Variants in POU1F1 observed in about 807,000 individuals in gnomAD.
The protein encoded by POU1F1 is pituitary-specific positive transcription factor 1.
Under a neutral mutation model 32.3 loss-of-function variants are expected in POU1F1, and 23 were observed. The observed-to-expected ratio is 0.71, with a 90% CI of 0.51 to 1.01. The LOEUF is 1.01. Ranked by LOEUF, POU1F1 falls within the 50% of genes least tolerant of loss-of-function variation. POU1F1 has a pLI of 0.00. For missense variants in POU1F1, 323 were observed against 341.6 expected (o/e 0.95, Z 0.43); for synonymous variants, 120 against 115.6 (o/e 1.04, Z -0.25).
At chr3:87,265,623 A>G (rs796440220) in intron 2 of POU1F1, among the ~76,000 whole-genome samples, 21 of 152,166 alleles carry the variant, frequency 1.4e-4, no homozygotes, top group African/African-American at 5.1e-4. Flanking sequence ...TGATGCAACC[A>G]TGAATTAAAT....
At chr3:87,269,069 T>C (rs911649384) in intron 2 of POU1F1, among the ~76,000 whole-genome samples, 3 of 152,192 alleles carry the variant, frequency 2.0e-5, no homozygotes, top group Admixed American at 2.0e-4. Flanking sequence ...GCCACCCTGC[T>C]GTGCTTGTAA....
chr3:87,261,560 A>G (rs1706515341), intron 4 of POU1F1, among the ~76,000 whole-genome samples: 1 of 152,100 alleles, frequency 6.6e-6, no homozygotes. Flanking sequence ...TAATATCCTC[A>G]CTTTACTTTT....
chr3:87,272,980 A>G (rs1402407360), intron 2 of POU1F1, among the ~76,000 whole-genome samples: 1 of 152,148 alleles, frequency 6.6e-6, no homozygotes, highest in African/African-American at 2.4e-5. Flanking sequence ...TATTTTACCT[A>G]GTTTACATTT....
rs1706579954 is a variant in POU1F1 at position 87,264,513 on chromosome 3, C to G, written c.215-1G>C. 2.6e-6 allele frequency: 4 copies of G among 1,565,380 alleles called. No homozygotes were observed. Among genetic ancestry groups the G allele is most frequent in the Non-Finnish European group, 3.5e-6 (4 of 1,135,926 alleles). ...TTATAAAGACAAGGGGTTAAACTAC[C>G]TGTGAGTAAACAAAGAAATAAAATG... On this transcript the variant is annotated splice_acceptor_variant, in intron 2 of 5. Transcript: ENST00000350375. LOFTEE classifies it high-confidence loss of function.
intron 2 of POU1F1, among the ~76,000 whole-genome samples, chr3:87,268,084 CTT>C (rs11387958): frequency 1.9e-4 from 22 of 116,428 alleles, no homozygotes; most frequent in Non-Finnish European, 3.3e-4. Context: ...TTCCCTTTCC[CTT>C]TTTTTTTTTT....
intron 2 of POU1F1, among the ~76,000 whole-genome samples, chr3:87,268,280 T>A (rs1706662564): frequency 6.6e-6 from 1 of 151,790 alleles, no homozygotes; most frequent in Non-Finnish European, 1.5e-5. Context: ...TTATTTATAA[T>A]TTTTTATTTA....
At chr3:87,260,841 A>G (rs549785996) in intron 5 of POU1F1, among the ~76,000 whole-genome samples, 1 of 151,392 alleles carries the variant, frequency 6.6e-6, no homozygotes, top group East Asian at 1.9e-4. Context: ...CCATTTCTCA[A>G]AATTAAGTTA....
rs1043925260 is a variant in POU1F1, at chr3:87,259,551, A to G, written c.*343T>C. The stretch of plus-strand genomic sequence containing the variant: ...GTGTCATTACTGACTTACATGTTAA[A>G]AAGCTAATATACATGTTTGGAAAAG... On this transcript the variant is annotated 3_prime_UTR_variant, in exon 6 of 6. Coordinates refer to ENST00000350375, the MANE Select transcript of POU1F1 (RefSeq NM_000306.4). 4.2e-6 allele frequency: 1 copy of G among 240,964 alleles called. No homozygotes were observed. The highest frequency in any genetic ancestry group is 5.3e-5 in the Admixed American group (1 of 18,984). The allele number at this position is 240,964 out of a possible 1,614,324, so 14.9% of individuals were successfully genotyped here.
intron 1 of POU1F1, among the ~76,000 whole-genome samples, chr3:87,274,361 A>AT (rs1162689208): frequency 1.3e-5 from 2 of 151,862 alleles, no homozygotes; most frequent in Non-Finnish European, 2.9e-5. Context: ...TATTTTCTCA[A>AT]TTTTTTCCTT....
intron 1 of POU1F1, 112 bp from the exon 2 acceptor site, chr3:87,273,530 T>G: frequency 6.6e-7 from 1 of 1,511,462 alleles, no homozygotes; most frequent in Non-Finnish European, 8.9e-7. Flanking sequence ...TCAAGACACA[T>G]TCGTTTTATT....
chr3:87,275,327 G>C (rs1324380112), intron 1 of POU1F1, among the ~76,000 whole-genome samples: 1 of 151,960 alleles, frequency 6.6e-6, no homozygotes, highest in African/African-American at 2.4e-5. Context: ...TCCACCAGAA[G>C]ATTGGTGCCA....
chr3:87,265,942 T>C (rs1289454085), intron 2 of POU1F1, among the ~76,000 whole-genome samples: 1 of 151,454 alleles, frequency 6.6e-6, no homozygotes, highest in East Asian at 1.9e-4. Context: ...AATCATTTTC[T>C]TATAAATATA....
rs150121837 is a variant in POU1F1, at chr3:87,269,778, GTTTGT to G, written c.214+3564_214+3568del. Among the ~76,000 whole-genome samples the G allele has an allele frequency of 8.0e-4, 122 of 152,048 alleles. 1 individual carries two copies. The highest frequency in any genetic ancestry group is 2.8e-3 in the African/African-American group (116 of 41,514). On this transcript the variant is annotated intron_variant, in intron 2 of 5. Transcript: ENST00000350375. ...AAGAGTTTGGGACTTAAACAAGTTTGTTTGTTTTGTTTTGTTTTGTTTTCCCCTTG... is the reference window on the plus strand; with the variant it reads ...AAGAGTTTGGGACTTAAACAAGTTTGTTTGTTTTGTTTTGTTTTCCCCTTG...
At chr3:87,267,686 C>A (rs570540898) in intron 2 of POU1F1, among the ~76,000 whole-genome samples, 85 of 152,176 alleles carry the variant, frequency 5.6e-4, no homozygotes, top group African/African-American at 2.0e-3. Flanking sequence ...TAGCTCATTG[C>A]AATCTCAAAT....
chr3:87,272,973 T>G (rs1227970811), intron 2 of POU1F1, among the ~76,000 whole-genome samples: 1 of 152,140 alleles, frequency 6.6e-6, no homozygotes, highest in African/African-American at 2.4e-5. Flanking sequence ...CTTGTTTTAT[T>G]TTACCTAGTT....
chr3:87,262,010 TA>T, intron 4 of POU1F1, 60 bp downstream of exon 4: 1 of 1,591,172 alleles, frequency 6.3e-7, no homozygotes, highest in East Asian at 2.2e-5. Flanking sequence ...TAATCCTACT[TA>T]TTGAAGCCAT....
intron 4 of POU1F1, 111 bp downstream of exon 4, chr3:87,261,960 A>G: frequency 7.8e-7 from 1 of 1,279,390 alleles, no homozygotes; most frequent in Admixed American, 1.8e-5. Flanking sequence ...CTCAAAGAGA[A>G]AAGGCGGAAA....
chr3:87,276,176 T>G, intron 1 of POU1F1, 145 bp downstream of exon 1: 2 of 996,826 alleles, frequency 2.0e-6, no homozygotes, highest in Admixed American at 2.0e-5. Context: ...TTTTTAGATA[T>G]GCTTAATGCT....
chr3:87,273,518 ATTCAAGACACATTCGT>A (rs1559618879), intron 1 of POU1F1, 100 bp from the exon 2 acceptor site: 1 of 1,551,928 alleles, frequency 6.4e-7, no homozygotes, highest in Non-Finnish European at 8.7e-7. Flanking sequence ...ATGTATAAGG[ATTCAAGACACATTCGT>A]TTTATTTCAA....
Sources: gnomAD v4.1 joint callset for allele counts (sites outside exome capture counted in the v4.1 genomes callset) on GRCh38, gnomAD v4.1.1 for gene constraint, MANE v1.5 for transcripts, NCBI Gene and HGNC (gene_info 2026-07-23, HGNC 2026-07-21) for gene names.